Variants in SHROOM3 observed in about 807,000 individuals in gnomAD.
SHROOM3 encodes the protein shroom family member 3.
SHROOM3 carries 47 observed loss-of-function variants against 138.6 expected under a neutral mutation model. The ratio of observed to expected loss-of-function variants is 0.34; its 90% CI spans 0.27 to 0.43. The LOEUF is 0.43. Among genes scored for constraint, SHROOM3 ranks in the 20% least tolerant of loss-of-function variants. The probability of loss-of-function intolerance (pLI) is 1.00; values close to 1 mark genes in which losing one functional copy is unlikely to be tolerated. For synonymous variants in SHROOM3, 1,062 were observed against 1,063.3 expected (o/e 1.00, Z 0.02); for missense variants, 2,491 against 2,596.5 (o/e 0.96, Z 0.88).
intron 2 of SHROOM3, among the ~76,000 whole-genome samples, chr4:76,608,845 C>T (rs536863262): frequency 2.0e-5 from 3 of 152,088 alleles, no homozygotes; most frequent in Non-Finnish European, 4.4e-5. Flanking sequence ...TCCATTTCTC[C>T]CTCAGTAAAA....
intron 3 of SHROOM3, among the ~76,000 whole-genome samples, chr4:76,713,261 AC>A (rs1456168254): frequency 6.6e-6 from 1 of 152,258 alleles, no homozygotes; most frequent in Non-Finnish European, 1.5e-5. Flanking sequence ...TTAGTTTAGA[AC>A]ACAGACACAT....
At chr4:76,441,220 A>G (rs567033658) in intron 1 of SHROOM3, among the ~76,000 whole-genome samples, 1 of 148,368 alleles carries the variant, frequency 6.7e-6, no homozygotes, top group Non-Finnish European at 1.5e-5. Context: ...TCAGACTCCC[A>G]AGTAGCTGGG....
chr4:76,603,336 T>C (rs779523203), intron 2 of SHROOM3, among the ~76,000 whole-genome samples: 12 of 152,224 alleles, frequency 7.9e-5, no homozygotes, highest in Non-Finnish European at 1.3e-4. Context: ...GAGAATCACT[T>C]GAACCCGGGA....
chr4:76,745,017 A>G (rs1169181784), intron 5 of SHROOM3, among the ~76,000 whole-genome samples: 3 of 152,204 alleles, frequency 2.0e-5, no homozygotes, highest in African/African-American at 7.2e-5. Flanking sequence ...CTTCTCATGT[A>G]TTTGGCAGGT....
chr4:76,501,346 A>G (rs912949277), intron 1 of SHROOM3, among the ~76,000 whole-genome samples: 3 of 152,208 alleles, frequency 2.0e-5, no homozygotes, highest in Non-Finnish European at 2.9e-5. Flanking sequence ...AATAAGAAAT[A>G]CACATATTGC....
At chr4:76,440,874 A>G (rs539711578) in intron 1 of SHROOM3, among the ~76,000 whole-genome samples, 1 of 152,008 alleles carries the variant, frequency 6.6e-6, no homozygotes, top group East Asian at 1.9e-4. Context: ...CATCTTCCAC[A>G]CTGTCACCTC....
At chr4:76,444,484 C>CTTTTTTTTTTTTTT (rs61655085) in intron 1 of SHROOM3, among the ~76,000 whole-genome samples, 1 of 60,150 alleles carries the variant, frequency 1.7e-5, no homozygotes, top group African/African-American at 6.6e-5. Context: ...CTCTTTCTTT[C>CTTTTTTTTTTTTTT]TTTTTTTTTT....
intron 2 of SHROOM3, among the ~76,000 whole-genome samples, chr4:76,651,850 T>C (rs1735970740): frequency 6.6e-6 from 1 of 152,186 alleles, no homozygotes; most frequent in African/African-American, 2.4e-5. Flanking sequence ...GAGTCATCTA[T>C]ACAGCAAATC....
intron 2 of SHROOM3, among the ~76,000 whole-genome samples, chr4:76,596,681 T>C (rs1734396398): frequency 1.3e-5 from 2 of 151,810 alleles, no homozygotes; most frequent in South Asian, 4.2e-4. Flanking sequence ...TTCCAGTCCC[T>C]GAGGCCATCT....
At chr4:76,757,215 CATT>C (rs1165618550) in intron 8 of SHROOM3, 9 of 400,384 alleles carry the variant, frequency 2.2e-5, no homozygotes, top group Middle Eastern at 1.5e-3. Context: ...TTTATATCAA[CATT>C]ATTTAATTTT....
At position 76,445,300 on chromosome 4, in the gene SHROOM3, A is replaced by T. The variant is rs570352907; in HGVS notation, c.168+9080A>T. 1.6e-4 allele frequency among the ~76,000 whole-genome samples: 25 copies of T among 152,250 alleles called. No individual in the cohort carries two copies. In the East Asian group the frequency reaches 4.8e-3, roughly 29 times the overall value. The stretch of plus-strand genomic sequence containing the variant: ...ACTGAACAGATTATTCCCTGCCATC[A>T]TAGAGCTTATATTCCAACAGAAGGG... On this transcript the variant is annotated intron_variant, in intron 1 of 10. Transcript: ENST00000296043.
chr4:76,694,189 C>T (rs988652240), intron 2 of SHROOM3, among the ~76,000 whole-genome samples: 3 of 152,146 alleles, frequency 2.0e-5, no homozygotes, highest in Admixed American at 2.0e-4. Context: ...ATTCAGTAAA[C>T]ATTTGTCAAA....
At chr4:76,709,975 A>G in intron 2 of SHROOM3, 181 bp from the exon 3 acceptor site, 2 of 642,838 alleles carry the variant, frequency 3.1e-6, no homozygotes, top group South Asian at 3.7e-5. Flanking sequence ...TCAGTAGTGG[A>G]TTCGCCTTCG....
intron 1 of SHROOM3, 101 bp downstream of exon 1, chr4:76,436,321 TA>T: frequency 7.3e-7 from 1 of 1,362,082 alleles, no homozygotes; most frequent in Admixed American, 1.8e-5. Context: ...TAATATAACT[TA>T]ATTTGCTGTT....
chr4:76,649,482 G>A (rs1204944365), intron 2 of SHROOM3, among the ~76,000 whole-genome samples: 1 of 152,056 alleles, frequency 6.6e-6, no homozygotes, highest in Non-Finnish European at 1.5e-5. Context: ...TGGATCCTAG[G>A]GCTTCAATCA....
chr4:76,485,957 C>A (rs899438611), intron 1 of SHROOM3, among the ~76,000 whole-genome samples: 4 of 152,096 alleles, frequency 2.6e-5, no homozygotes, highest in Non-Finnish European at 4.4e-5. Context: ...TGGCCATTTC[C>A]ATTTTTTCTG....
chr4:76,451,769 A>G (rs1281209156), intron 1 of SHROOM3, among the ~76,000 whole-genome samples: 1 of 152,226 alleles, frequency 6.6e-6, no homozygotes, highest in East Asian at 1.9e-4. Context: ...ACAAAACAAA[A>G]TTGAAAGTTT....
At chr4:76,510,095 T>C (rs1732300975) in intron 1 of SHROOM3, among the ~76,000 whole-genome samples, 1 of 152,120 alleles carries the variant, frequency 6.6e-6, no homozygotes, top group South Asian at 2.1e-4. Flanking sequence ...AAATCCTCAG[T>C]TAAGATTGTA....
chr4:76,674,344 T>C (rs192282294), intron 2 of SHROOM3, among the ~76,000 whole-genome samples: 57 of 152,262 alleles, frequency 3.7e-4, no homozygotes, highest in Non-Finnish European at 7.2e-4. Context: ...TATCTTTTCT[T>C]CTCTCCTACA....
Sources: gnomAD v4.1 joint callset for allele counts (sites outside exome capture counted in the v4.1 genomes callset) on GRCh38, gnomAD v4.1.1 for gene constraint, MANE v1.5 for transcripts, NCBI Gene and HGNC (gene_info 2026-07-23, HGNC 2026-07-21) for gene names.